Variants in NPAT observed in about 807,000 individuals in gnomAD.
NPAT encodes the protein nuclear protein, coactivator of histone transcription.
Under a neutral mutation model 130.7 loss-of-function variants are expected in NPAT, and 52 were observed. The ratio of observed to expected loss-of-function variants is 0.40; its 90% CI spans 0.32 to 0.50. NPAT has a LOEUF of 0.50. Ranked by LOEUF, NPAT falls within the 20% of genes least tolerant of loss-of-function variation. The pLI is 0.68. For missense variants in NPAT, 1,687 were observed against 1,662.6 expected (o/e 1.01, Z -0.26); for synonymous variants, 580 against 584.8 (o/e 0.99, Z 0.12).
intron 1 of NPAT, among the ~76,000 whole-genome samples, chr11:108,215,362 T>C (rs192496533): frequency 1.6e-4 from 24 of 152,114 alleles, no homozygotes; most frequent in Admixed American, 1.3e-3. Context: ...CAACACACAC[T>C]GGGGCCTATT....
chr11:108,176,111 A>AT (rs2078003137), intron 12 of NPAT, 135 bp downstream of exon 12: 1 of 682,150 alleles, frequency 1.5e-6, no homozygotes, highest in South Asian at 1.8e-5. Context: ...AATTGTTTTT[A>AT]ACAGAGAGAA....
chr11:108,219,869 T>A (rs917895647), intron 1 of NPAT, among the ~76,000 whole-genome samples: 1 of 152,190 alleles, frequency 6.6e-6, no homozygotes, highest in Non-Finnish European at 1.5e-5. Context: ...CATGATAAGG[T>A]TGTAACAGAA....
At chr11:108,208,300 A>T (rs898986128) in intron 1 of NPAT, 44 of 330,206 alleles carry the variant, frequency 1.3e-4, no homozygotes, top group Non-Finnish European at 2.6e-4. Context: ...ATGACAAAAA[A>T]GGTCAATCCA....
At position 108,161,400 on chromosome 11, in the gene NPAT, T is replaced by G; in HGVS notation, c.3686A>C (p.Asp1229Ala). 6.2e-7 allele frequency: 1 copy of G among 1,614,120 alleles called. No homozygotes were observed. The highest frequency in any genetic ancestry group is 2.2e-5 in the East Asian group (1 of 44,900). Residue 1229 changes from aspartate (D) to alanine (A), a missense_variant, in exon 17 of 18, where the codon GAT (aspartate) becomes GCT (alanine). This residue lies in a region of NPAT where 1,379 missense variants were observed against 1,346.6 expected (regional missense o/e 1.02). Transcript: ENST00000278612. ...GGATTTAGTTTGTTCTTGTTTTAGA[T>G]CCTTCACAGCTGTACCTACTGAAAG... ...NVLSVGTAVK[D>A]LKQEQTKSAS...
chr11:108,173,253 C>T lies in NPAT; in HGVS notation c.1731G>A (p.Lys577=), dbSNP rs1167793049. 3 of 1,612,166 alleles carry T rather than the reference C, an allele frequency of 1.9e-6. No individual in the cohort carries two copies. The highest frequency in any genetic ancestry group is 2.5e-6 in the Non-Finnish European group (3 of 1,178,680). ...CTAACACATTAATTTCTATTTTACTCTTGTGAACTTCACTAGAATCTGATG... is the reference window on the plus strand; with the variant it reads ...CTAACACATTAATTTCTATTTTACTTTTGTGAACTTCACTAGAATCTGATG... ...SKSSDSSEVH[K]SKIEINVLEP... The change falls in exon 13 of 18, where the codon AAG becomes AAA. Residue 577 remains lysine, a synonymous_variant. Coordinates refer to ENST00000278612, the MANE Select transcript of NPAT (RefSeq NM_002519.3).
At chr11:108,195,024 A>C (rs1016579371) in intron 2 of NPAT, among the ~76,000 whole-genome samples, 1 of 151,910 alleles carries the variant, frequency 6.6e-6, no homozygotes, top group Non-Finnish European at 1.5e-5. Flanking sequence ...GGGTTTCACT[A>C]TCTTGGCCAG....
intron 2 of NPAT, among the ~76,000 whole-genome samples, chr11:108,194,548 T>C (rs1193836972): frequency 2.0e-5 from 3 of 152,382 alleles, no homozygotes; most frequent in Admixed American, 6.5e-5. Flanking sequence ...TGTGAATCAA[T>C]AGCATGTTGC....
Position 108,197,341 on chromosome 11 carries a change from T to C in NPAT, c.117A>G (p.Glu39=), listed in dbSNP as rs1224673789. Residue 39 remains glutamate (E), a synonymous_variant, in exon 2 of 18, where the codon GAA becomes GAG. Transcript: ENST00000278612. ...GAATAAACCCTTCATCTGTACAATG[T>C]TCTGCATATTCTTTTAAATCTGAAC... The part of the protein sequence containing the change: ...LESSDLKEYA[E]HCTDEGFIPA... 3 of 1,612,878 alleles carry C rather than the reference T, an allele frequency of 1.9e-6. No homozygotes were observed. Among genetic ancestry groups the C allele is most frequent in the South Asian group, 2.2e-5 (2 of 91,052 alleles).
At chr11:108,221,979 A>G (rs36220457) in intron 1 of NPAT, among the ~76,000 whole-genome samples, 2 of 152,286 alleles carry the variant, frequency 1.3e-5, no homozygotes, top group African/African-American at 2.4e-5. Flanking sequence ...ACACTGGACG[A>G]CGTATTGCGT....
intron 2 of NPAT, 107 bp from the exon 3 acceptor site, chr11:108,194,124 T>C: frequency 1.5e-6 from 1 of 681,996 alleles, no homozygotes; most frequent in South Asian, 1.7e-5. Context: ...GACTGCAGAG[T>C]AGCGATGAGG....
chr11:108,168,971 T>C (rs1189805868), intron 15 of NPAT, among the ~76,000 whole-genome samples: 1 of 152,160 alleles, frequency 6.6e-6, no homozygotes, highest in East Asian at 1.9e-4. Flanking sequence ...GGGGAGTTGC[T>C]GAAAGTTTTT....
intron 15 of NPAT, among the ~76,000 whole-genome samples, chr11:108,165,404 CCA>C (rs1239573450): frequency 2.0e-5 from 3 of 149,580 alleles, no homozygotes; most frequent in Non-Finnish European, 4.4e-5. Context: ...GCCACTGCAC[CCA>C]GTTTCTTTTA....
intron 1 of NPAT, among the ~76,000 whole-genome samples, chr11:108,211,593 C>T (rs1288858931): frequency 6.6e-6 from 1 of 151,454 alleles, no homozygotes; most frequent in East Asian, 1.9e-4. Flanking sequence ...AAATCAAGTC[C>T]AGCAACATAT....
intron 1 of NPAT, among the ~76,000 whole-genome samples, chr11:108,203,761 A>G (rs1489216900): frequency 6.6e-6 from 1 of 152,204 alleles, no homozygotes; most frequent in Admixed American, 6.5e-5. Context: ...CTGTCCCCAT[A>G]CAAGATTTAA....
chr11:108,163,222 G>C (rs2077869794), intron 15 of NPAT, among the ~76,000 whole-genome samples: 1 of 152,110 alleles, frequency 6.6e-6, no homozygotes, highest in South Asian at 2.1e-4. Flanking sequence ...TGGGATTACA[G>C]GTGCACGCTG....
chr11:108,169,026 A>T (rs1025025581), intron 15 of NPAT, among the ~76,000 whole-genome samples: 2 of 152,204 alleles, frequency 1.3e-5, no homozygotes, highest in Non-Finnish European at 2.9e-5. Flanking sequence ...AGGGAAAAAA[A>T]GTCACTCAGC....
intron 1 of NPAT, among the ~76,000 whole-genome samples, chr11:108,209,721 C>T (rs1256674441): frequency 6.6e-6 from 1 of 151,822 alleles, no homozygotes. Flanking sequence ...AACCTCCTTT[C>T]TACTAAAAAT....
At chr11:108,216,148 T>C (rs1009425989) in intron 1 of NPAT, among the ~76,000 whole-genome samples, 1 of 152,230 alleles carries the variant, frequency 6.6e-6, no homozygotes, top group Non-Finnish European at 1.5e-5. Context: ...TTTTTCCTCA[T>C]ATGCTTCAAG....
chr11:108,200,650 C>T (rs913249266), intron 1 of NPAT, among the ~76,000 whole-genome samples: 8 of 152,252 alleles, frequency 5.3e-5, no homozygotes, highest in East Asian at 3.9e-4. Context: ...GGCTAGAAGC[C>T]ATCACTGATA....
Sources: allele counts gnomAD v4.1 joint callset (sites outside exome capture counted in the v4.1 genomes callset), GRCh38; gene constraint gnomAD v4.1.1; regional missense constraint gnomAD v4.1.1; transcripts MANE v1.5; gene names NCBI Gene and HGNC (gene_info 2026-07-23, HGNC 2026-07-21).